The following ABCC1 variants were observed in gnomAD, a reference collection of about 807,000 sequenced individuals.
The protein encoded by ABCC1 is multidrug resistance-associated protein 1.
Under a neutral mutation model 172.9 loss-of-function variants are expected in ABCC1, and 83 were observed. The observed-to-expected ratio is 0.48, with a 90% CI of 0.40 to 0.58. The LOEUF is 0.58. ABCC1 is among the 20% of genes least tolerant of loss of function. The pLI is 0.00. For synonymous variants in ABCC1, 937 were observed against 825.2 expected, an observed-to-expected ratio of 1.14 and a Z score of -2.32; for missense variants, 1,817 against 2,002.7, an observed-to-expected ratio of 0.91 and a Z score of 1.77.
chr16:15,984,934 C>T (rs180874405), intron 1 of ABCC1, among the ~76,000 whole-genome samples: 112 of 152,114 alleles, frequency 7.4e-4, no homozygotes, highest in East Asian at 4.1e-3. Context: ...GAAACCCCTT[C>T]TCTACAAAAA....
chr16:16,131,759 C>A, intron 26 of ABCC1, 30 bp from the exon 27 acceptor site: 9 of 1,607,894 alleles, frequency 5.6e-6, no homozygotes, highest in Non-Finnish European at 7.6e-6. Context: ...ACTGGAAATT[C>A]CTTACTCTCT....
chr16:16,125,755 A>AAT, intron 25 of ABCC1, 55 bp from the exon 26 acceptor site: 1 of 1,014,728 alleles, frequency 9.9e-7, no homozygotes, highest in Non-Finnish European at 1.4e-6. Flanking sequence ...AAGAAAAAGG[A>AAT]AAGTCAAGTA....
At chr16:16,030,501 G>A (rs1458229083) in intron 5 of ABCC1, among the ~76,000 whole-genome samples, 2 of 152,066 alleles carry the variant, frequency 1.3e-5, no homozygotes, top group South Asian at 2.1e-4. Context: ...CTCCAGCCTG[G>A]GCGACAGAGC....
chr16:16,104,733 G>T (rs563269871), intron 20 of ABCC1, among the ~76,000 whole-genome samples: 286 of 152,278 alleles, frequency 1.9e-3, no homozygotes, highest in Non-Finnish European at 3.6e-3. Flanking sequence ...CACTCGTCCG[G>T]GAGGCTCGGG....
intron 23 of ABCC1, among the ~76,000 whole-genome samples, chr16:16,119,563 C>T (rs1432091357): frequency 1.3e-5 from 2 of 151,858 alleles, no homozygotes; most frequent in African/African-American, 2.4e-5. Context: ...CGGTGGTGGG[C>T]GCCTGCAATT....
intron 1 of ABCC1, among the ~76,000 whole-genome samples, chr16:15,990,773 C>T (rs1039322429): frequency 1.3e-5 from 2 of 151,864 alleles, no homozygotes; most frequent in African/African-American, 4.8e-5. Flanking sequence ...CCTCAGCCTC[C>T]CGAGTAGCTG....
At chr16:16,133,845 A>C (rs2045805404) in intron 27 of ABCC1, among the ~76,000 whole-genome samples, 1 of 152,176 alleles carries the variant, frequency 6.6e-6, no homozygotes, top group Non-Finnish European at 1.5e-5. Flanking sequence ...CAGGAACATC[A>C]TCCTTTGGCC....
At chr16:16,022,728 A>G (rs2048235515) in intron 5 of ABCC1, among the ~76,000 whole-genome samples, 1 of 152,160 alleles carries the variant, frequency 6.6e-6, no homozygotes, top group Non-Finnish European at 1.5e-5. Context: ...TATAATATGT[A>G]ATATTTTCCC....
chr16:15,981,992 A>G (rs1201068504), intron 1 of ABCC1, among the ~76,000 whole-genome samples: 1 of 152,178 alleles, frequency 6.6e-6, no homozygotes, highest in African/African-American at 2.4e-5. Flanking sequence ...AAGCATAGCA[A>G]GAGTCACCTT....
At chr16:16,000,744 A>G (rs9635480) in intron 1 of ABCC1, among the ~76,000 whole-genome samples, 75,429 of 152,054 alleles carry the variant, frequency 0.5, 19,601 homozygotes, top group Non-Finnish European at 0.59. Flanking sequence ...ACAAGTGCAA[A>G]CTACTGTGCC....
chr16:15,995,709 C>G (rs1048028125), intron 1 of ABCC1, among the ~76,000 whole-genome samples: 1 of 152,172 alleles, frequency 6.6e-6, no homozygotes, highest in Admixed American at 6.5e-5. Flanking sequence ...AGTCTTTCAC[C>G]TAGGCTGGAG....
chr16:15,962,316 TG>T (rs1835469509), intron 1 of ABCC1, among the ~76,000 whole-genome samples: 1 of 152,262 alleles, frequency 6.6e-6, no homozygotes, highest in South Asian at 2.1e-4. Flanking sequence ...TTTAACAATG[TG>T]TAAAAACATT....
chr16:16,134,610 C>T, intron 28 of ABCC1, 102 bp downstream of exon 28: 1 of 1,045,820 alleles, frequency 9.6e-7, no homozygotes, highest in South Asian at 1.6e-5. Flanking sequence ...ATACATTTGG[C>T]CCTACTTCAT....
At chr16:16,117,102 G>A (rs2044916742) in intron 23 of ABCC1, among the ~76,000 whole-genome samples, 1 of 152,134 alleles carries the variant, frequency 6.6e-6, no homozygotes, top group Admixed American at 6.5e-5. Flanking sequence ...GTTGACCATG[G>A]ATAACCGAAA....
intron 5 of ABCC1, among the ~76,000 whole-genome samples, chr16:16,026,963 C>T (rs1390473323): frequency 6.6e-6 from 1 of 152,028 alleles, no homozygotes; most frequent in Non-Finnish European, 1.5e-5. Flanking sequence ...CTGTCAATGT[C>T]CTTGTTGCAT....
intron 1 of ABCC1, among the ~76,000 whole-genome samples, chr16:15,986,164 A>AC (rs35118593): frequency 0.065 from 9,880 of 151,192 alleles, 354 homozygotes; most frequent in Middle Eastern, 0.12. Flanking sequence ...TGAACTCCTG[A>AC]CCCCGGGTGA....
chr16:16,016,774 T>TG (rs2048016774), intron 5 of ABCC1, among the ~76,000 whole-genome samples, 153 bp downstream of exon 5: 2 of 152,104 alleles, frequency 1.3e-5, no homozygotes, highest in Non-Finnish European at 2.9e-5. Context: ...ACTTTACAGA[T>TG]GGAAAAACTG....
chr16:16,061,922 C>T (rs997373370), intron 12 of ABCC1, among the ~76,000 whole-genome samples: 1 of 151,966 alleles, frequency 6.6e-6, no homozygotes, highest in Non-Finnish European at 1.5e-5. Context: ...TACAAGCATG[C>T]ACCACCATGC....
In ABCC1 at chr16:16,141,382, C is replaced by A; in HGVS notation, c.*101C>A. 8.8e-7 allele frequency: 1 copy of A among 1,136,386 alleles called. No homozygotes were observed. Among genetic ancestry groups the A allele is most frequent in the Admixed American group, 2.3e-5 (1 of 44,408 alleles). 70.4% of individuals were successfully genotyped at this position (1,136,386 alleles called of 1,614,324 possible). On this transcript the variant is annotated 3_prime_UTR_variant, in exon 31 of 31. Transcript: ENST00000399410. The stretch of plus-strand genomic sequence containing the variant: ...TAAACCAAGCCTCCCACACTGAAAC[C>A]AAAACATAAAAACCAAACCCAGACA...
Sources: allele counts gnomAD v4.1 joint callset (sites outside exome capture counted in the v4.1 genomes callset), GRCh38; gene constraint gnomAD v4.1.1; transcripts MANE v1.5; gene names NCBI Gene and HGNC (gene_info 2026-07-23, HGNC 2026-07-21).